H4C5: variants seen among roughly 807,000 people sequenced by gnomAD.
H4C5 encodes the protein histone H4.
Under a neutral mutation model 5.3 loss-of-function variants are expected in H4C5, and 15 were observed. That is an observed-to-expected ratio of 2.84 (90% confidence interval 1.90 to 4.37). The LOEUF (loss-of-function observed/expected upper bound fraction) is 4.37. Ranked by LOEUF, H4C5 falls within the 30% of genes most tolerant of loss-of-function variation. The probability of loss-of-function intolerance (pLI) is 0.00; values close to 1 mark genes in which losing one functional copy is unlikely to be tolerated. For missense variants in H4C5, 153 were observed against 145.7 expected (o/e 1.05, Z -0.26); for synonymous variants, 154 against 56.9 (o/e 2.71, Z -7.68).
chr6:26,204,634 G>A lies in H4C5; in HGVS notation c.-11G>A, dbSNP rs762062147. 34 of 1,571,554 alleles carry A rather than the reference G, an allele frequency of 2.2e-5. No individual in the cohort carries two copies. The highest frequency in any genetic ancestry group is 2.8e-5 in the Non-Finnish European group (32 of 1,154,024). On this transcript the variant is annotated 5_prime_UTR_variant, in exon 1 of 1. The change creates a new upstream start codon in the 5' untranslated region. Transcript: ENST00000615164. Reference sequence around the variant, plus strand: ...CAGATTTTTGCGGCTATTTTCGTTGGTGTGTTGGTCATGTCTGGTCGCGGC... The same window carrying A: ...CAGATTTTTGCGGCTATTTTCGTTGATGTGTTGGTCATGTCTGGTCGCGGC...
chr6:26,204,777 A>T lies in H4C5; in HGVS notation c.133A>T (p.Lys45Ter). The change falls in exon 1 of 1, where the codon AAG becomes TAG. Residue 45 changes from lysine to a stop codon, truncating the protein, a stop_gained. Coordinates refer to ENST00000615164, the MANE Select transcript of H4C5 (RefSeq NM_003545.4). LOFTEE classifies it high-confidence loss of function. ...IRRLARRGGV[K>*]RISGLIYEET... ...GCGCCTTGCTCGTCGCGGGGGTGTC[A>T]AGCGCATTTCTGGTCTCATCTACGA... 1 of 1,614,150 alleles carries T rather than the reference A, an allele frequency of 6.2e-7. No individual in the cohort carries two copies. The highest frequency in any genetic ancestry group is 8.5e-7 in the Non-Finnish European group (1 of 1,180,008).
At position 26,204,729 on chromosome 6, in the gene H4C5, G is replaced by A. The variant is rs1406188281; in HGVS notation, c.85G>A (p.Gly29Ser). Reference sequence around the variant, plus strand: ...TAAGGTCCTGCGAGATAACATCCAGGGCATTACCAAGCCTGCCATCCGGCG... The same window carrying A: ...TAAGGTCCTGCGAGATAACATCCAGAGCATTACCAAGCCTGCCATCCGGCG... ...HRKVLRDNIQ[G>S]ITKPAIRRLA... is the part of the protein sequence containing the mutation. Residue 29 changes from glycine (G) to serine (S), a missense_variant, in exon 1 of 1, where the codon GGC becomes AGC. Gly to Ser is a moderately conservative substitution (Grantham distance 56). Transcript: ENST00000615164. 4 of 1,614,174 alleles carry A rather than the reference G, an allele frequency of 2.5e-6. No individual in the cohort carries two copies. The highest frequency in any genetic ancestry group is 3.4e-6 in the Non-Finnish European group (4 of 1,180,028).
Position 26,205,011 on chromosome 6 carries a change from A to G in H4C5, c.*55A>G. The G allele has an allele frequency of 3.3e-6, 5 of 1,533,382 alleles. No homozygotes were observed. Among genetic ancestry groups the G allele is most frequent in the Non-Finnish European group, 4.4e-6 (5 of 1,133,728 alleles). 95.0% of individuals were successfully genotyped at this position (1,533,382 alleles called of 1,614,324 possible). A position where few individuals can be genotyped will look rare whatever the true frequency, so the allele number is the denominator to read the frequency against. On this transcript the variant is annotated 3_prime_UTR_variant, in exon 1 of 1. Transcript: ENST00000615164. The stretch of plus-strand genomic sequence containing the variant: ...ACTTCCCAAATCAAAGGCCCTTTTC[A>G]GGGCCGCCCACAGTTTTCCGCAAAA...
At position 26,204,750 on chromosome 6, in the gene H4C5, CG is replaced by C. The variant is rs1386940288; in HGVS notation, c.108del (p.Arg37AlafsTer23). 6.2e-7 allele frequency: 1 copy of C among 1,614,044 alleles called. No individual in the cohort carries two copies. The highest frequency in any genetic ancestry group is 1.3e-5 in the African/African-American group (1 of 74,910). On this transcript the variant is annotated frameshift_variant, in exon 1 of 1. Transcript: ENST00000615164. LOFTEE classifies it high-confidence loss of function. ...CCAGGGCATTACCAAGCCTGCCATC[CG>C]GCGCCTTGCTCGTCGCGGGGGTGTC... ...NIQGITKPAI[R>X]RLARRGGVKR...
chr6:26,204,698 TCA>T lies in H4C5; in HGVS notation c.56_57del (p.His19ProfsTer2), dbSNP rs755908454. ...GACTGGGTAAAGGAGGCGCTAAGCG[TCA>T]CCGTAAGGTCCTGCGAGATAACATC... ...KGLGKGGAKRHRKVLRDNIQG... is the reference protein window; with the variant it reads ...KGLGKGGAKRXRKVLRDNIQG... On this transcript the variant is annotated frameshift_variant, in exon 1 of 1. Transcript: ENST00000615164. LOFTEE classifies it high-confidence loss of function. 6.2e-7 allele frequency: 1 copy of T among 1,613,724 alleles called. No homozygotes were observed. Among genetic ancestry groups the T allele is most frequent in the African/African-American group, 1.3e-5 (1 of 75,032 alleles).
rs368745174 is a variant in H4C5, at chr6:26,204,713, G to A, written c.69G>A (p.Leu23=). Residue 23 remains leucine (L), a synonymous_variant, in exon 1 of 1, where the codon CTG becomes CTA. Transcript: ENST00000615164. ...KGGAKRHRKV[L]RDNIQGITKP... Reference sequence around the variant, plus strand: ...GCGCTAAGCGTCACCGTAAGGTCCTGCGAGATAACATCCAGGGCATTACCA... The same window carrying A: ...GCGCTAAGCGTCACCGTAAGGTCCTACGAGATAACATCCAGGGCATTACCA... 2 of 1,614,184 alleles carry A rather than the reference G, an allele frequency of 1.2e-6. No individual in the cohort carries two copies. The highest frequency in any genetic ancestry group is 1.7e-6 in the Non-Finnish European group (2 of 1,180,032).
rs775041888 is a variant in H4C5, at chr6:26,204,819, C to T, written c.175C>T (p.Leu59=). The T allele has an allele frequency of 7.4e-6, 12 of 1,614,026 alleles. No individual in the cohort carries two copies. The highest frequency in any genetic ancestry group is 9.3e-6 in the Non-Finnish European group (11 of 1,180,036). Residue 59 remains leucine, a synonymous_variant, in exon 1 of 1, where the codon CTG becomes TTG. Transcript: ENST00000615164. ...GLIYEETRGV[L]KVFLENVIRD... ...CATCTACGAGGAGACTCGCGGGGTT[C>T]TGAAGGTGTTTCTGGAAAACGTGAT...
At position 26,204,649 on chromosome 6, in the gene H4C5, C is replaced by G. The variant is rs201304438; in HGVS notation, c.5C>G (p.Ser2Cys). ...ATTTTCGTTGGTGTGTTGGTCATGT[C>G]TGGTCGCGGCAAAGGCGGAAAGGGA... MSGRGKGGKGLG... is the reference protein window; with the variant it reads MCGRGKGGKGLG... Residue 2 changes from serine to cysteine, a missense_variant, in exon 1 of 1, where the codon TCT becomes TGT. Physicochemically the swap from Ser to Cys is moderately radical, Grantham distance 112. Transcript: ENST00000615164. 2 of 1,563,980 alleles carry G rather than the reference C, an allele frequency of 1.3e-6. No homozygotes were observed. The highest frequency in any genetic ancestry group is 1.7e-6 in the Non-Finnish European group (2 of 1,149,226).
Position 26,204,896 on chromosome 6 carries a change from G to C in H4C5, c.252G>C (p.Ala84=), listed in dbSNP as rs373087781. The change falls in exon 1 of 1, where the codon GCG becomes GCC. Residue 84 remains alanine (A), a synonymous_variant. Coordinates refer to ENST00000615164, the MANE Select transcript of H4C5 (RefSeq NM_003545.4). ...ACGCCAAACGCAAGACAGTGACAGC[G>C]ATGGATGTGGTCTACGCGCTGAAGA... The part of the protein sequence containing the change: ...TEHAKRKTVT[A]MDVVYALKRQ... The C allele has an allele frequency of 6.2e-7, 1 of 1,614,126 alleles. No homozygotes were observed. The highest frequency in any genetic ancestry group is 1.1e-5 in the South Asian group (1 of 91,090).
At position 26,204,833 on chromosome 6, in the gene H4C5, G is replaced by C. The variant is rs746615957; in HGVS notation, c.189G>C (p.Leu63=). Residue 63 remains leucine (L), a synonymous_variant, in exon 1 of 1, where the codon CTG becomes CTC. Coordinates refer to ENST00000615164, the MANE Select transcript of H4C5 (RefSeq NM_003545.4). The stretch of plus-strand genomic sequence containing the variant: ...CTCGCGGGGTTCTGAAGGTGTTTCT[G>C]GAAAACGTGATTCGTGATGCTGTGA... ...EETRGVLKVF[L]ENVIRDAVTY... The C allele has an allele frequency of 1.1e-5, 18 of 1,614,172 alleles. No individual in the cohort carries two copies. Among genetic ancestry groups the C allele is most frequent in the Non-Finnish European group, 1.5e-5 (18 of 1,180,032 alleles).
Position 26,204,875 on chromosome 6 carries a change from C to CT in H4C5, c.231_232insT (p.Lys78Ter), listed in dbSNP as rs1341164733. 2.5e-6 allele frequency: 4 copies of CT among 1,614,188 alleles called. No homozygotes were observed. The highest frequency in any genetic ancestry group is 3.4e-6 in the Non-Finnish European group (4 of 1,180,034). On this transcript the variant is annotated frameshift_variant, in exon 1 of 1. Coordinates refer to ENST00000615164, the MANE Select transcript of H4C5 (RefSeq NM_003545.4). LOFTEE classifies it high-confidence loss of function. The stretch of plus-strand genomic sequence containing the variant: ...ATGCTGTGACTTACACGGAGCACGC[C>CT]AAACGCAAGACAGTGACAGCGATGG...
At position 26,204,998 on chromosome 6, in the gene H4C5, AAAGGCCCTTTT is replaced by A. The variant is rs1765203770; in HGVS notation, c.*43_*53del. The A allele has an allele frequency of 6.4e-7, 1 of 1,563,818 alleles. No homozygotes were observed. Among genetic ancestry groups the A allele is most frequent in the African/African-American group, 1.4e-5 (1 of 73,544 alleles). The stretch of plus-strand genomic sequence containing the variant: ...ACTCAGCATCTCGACTTCCCAAATC[AAAGGCCCTTTT>A]CAGGGCCGCCCACAGTTTTCCGCAA... On this transcript the variant is annotated 3_prime_UTR_variant, in exon 1 of 1. Coordinates refer to ENST00000615164, the MANE Select transcript of H4C5 (RefSeq NM_003545.4).
chr6:26,204,895 C>T lies in H4C5; in HGVS notation c.251C>T (p.Ala84Val). Residue 84 changes from alanine (A) to valine (V), a missense_variant, in exon 1 of 1, where the codon GCG (alanine) becomes GTG (valine). By Grantham distance (64) the Ala-to-Val change is moderately conservative. Transcript: ENST00000615164. ...CACGCCAAACGCAAGACAGTGACAGCGATGGATGTGGTCTACGCGCTGAAG... is the reference window on the plus strand; with the variant it reads ...CACGCCAAACGCAAGACAGTGACAGTGATGGATGTGGTCTACGCGCTGAAG... Reference protein sequence around the residue: ...TEHAKRKTVTAMDVVYALKRQ... With the variant: ...TEHAKRKTVTVMDVVYALKRQ... The T allele has an allele frequency of 6.2e-7, 1 of 1,614,058 alleles. No homozygotes were observed. The highest frequency in any genetic ancestry group is 8.5e-7 in the Non-Finnish European group (1 of 1,179,936).
rs769118146 is a variant in H4C5, at chr6:26,204,740, G to T, written c.96G>T (p.Lys32Asn). 6.2e-7 allele frequency: 1 copy of T among 1,614,064 alleles called. No individual in the cohort carries two copies. The highest frequency in any genetic ancestry group is 1.3e-5 in the African/African-American group (1 of 74,932). ...VLRDNIQGIT[K>N]PAIRRLARRG... ...GAGATAACATCCAGGGCATTACCAAGCCTGCCATCCGGCGCCTTGCTCGTC... is the reference window on the plus strand; with the variant it reads ...GAGATAACATCCAGGGCATTACCAATCCTGCCATCCGGCGCCTTGCTCGTC... Residue 32 changes from lysine (K) to asparagine (N), a missense_variant, in exon 1 of 1, where the codon AAG becomes AAT. By Grantham distance (94) the Lys-to-Asn change is moderately conservative. Coordinates refer to ENST00000615164, the MANE Select transcript of H4C5 (RefSeq NM_003545.4).
chr6:26,204,911 CG>C lies in H4C5; in HGVS notation c.268del (p.Ala90ArgfsTer2). On this transcript the variant is annotated frameshift_variant, in exon 1 of 1. Transcript: ENST00000615164. LOFTEE classifies it high-confidence loss of function. The stretch of plus-strand genomic sequence containing the variant: ...CAGTGACAGCGATGGATGTGGTCTA[CG>C]CGCTGAAGAGACAGGGACGCACTCT... Reference protein sequence around the residue: ...KTVTAMDVVYALKRQGRTLYG... With the variant: ...KTVTAMDVVYXLKRQGRTLYG... 6.2e-7 allele frequency: 1 copy of C among 1,613,422 alleles called. No individual in the cohort carries two copies. Among genetic ancestry groups the C allele is most frequent in the Non-Finnish European group, 8.5e-7 (1 of 1,179,392 alleles).
chr6:26,204,989 T>A lies in H4C5; in HGVS notation c.*33T>A, dbSNP rs1263716535. On this transcript the variant is annotated 3_prime_UTR_variant, in exon 1 of 1. Coordinates refer to ENST00000615164, the MANE Select transcript of H4C5 (RefSeq NM_003545.4). ...GCTTAAACGACTCAGCATCTCGACT[T>A]CCCAAATCAAAGGCCCTTTTCAGGG... 1 of 1,573,008 alleles carries A rather than the reference T, an allele frequency of 6.4e-7. No individual in the cohort carries two copies. The highest frequency in any genetic ancestry group is 1.4e-5 in the African/African-American group (1 of 73,902).
At position 26,204,643 on chromosome 6, in the gene H4C5, T is replaced by A. The variant is rs751229941; in HGVS notation, c.-2T>A. 3.1e-6 allele frequency: 5 copies of A among 1,592,174 alleles called. No individual in the cohort carries two copies. Among genetic ancestry groups the A allele is most frequent in the African/African-American group, 2.7e-5 (2 of 74,252 alleles). On this transcript the variant is annotated 5_prime_UTR_variant, in exon 1 of 1. Coordinates refer to ENST00000615164, the MANE Select transcript of H4C5 (RefSeq NM_003545.4). ...GCGGCTATTTTCGTTGGTGTGTTGG[T>A]CATGTCTGGTCGCGGCAAAGGCGGA...
At position 26,204,905 on chromosome 6, in the gene H4C5, G is replaced by A. The variant is rs1265520464; in HGVS notation, c.261G>A (p.Val87=). The A allele has an allele frequency of 1.2e-6, 2 of 1,613,804 alleles. No individual in the cohort carries two copies. Among genetic ancestry groups the A allele is most frequent in the Non-Finnish European group, 1.7e-6 (2 of 1,179,838 alleles). ...AKRKTVTAMD[V]VYALKRQGRT... ...GCAAGACAGTGACAGCGATGGATGT[G>A]GTCTACGCGCTGAAGAGACAGGGAC... The change falls in exon 1 of 1, where the codon GTG becomes GTA. Residue 87 remains valine (V), a synonymous_variant. Transcript: ENST00000615164.
rs760610500 is a variant in H4C5, at chr6:26,204,652, G to A, written c.8G>A (p.Gly3Asp). MSGRGKGGKGLGK... is the reference protein window; with the variant it reads MSDRGKGGKGLGK... ...TTCGTTGGTGTGTTGGTCATGTCTG[G>A]TCGCGGCAAAGGCGGAAAGGGACTG... Residue 3 changes from glycine to aspartate, a missense_variant, in exon 1 of 1, where the codon GGT (glycine) becomes GAT (aspartate). Transcript: ENST00000615164. 24 of 1,597,688 alleles carry A rather than the reference G, an allele frequency of 1.5e-5. No homozygotes were observed. Among genetic ancestry groups the A allele is most frequent in the Non-Finnish European group, 1.9e-5 (22 of 1,167,484 alleles).
Sources: allele counts gnomAD v4.1 joint callset, GRCh38; gene constraint gnomAD v4.1.1; transcripts MANE v1.5; gene names NCBI Gene and HGNC (gene_info 2026-07-23, HGNC 2026-07-21).